RPUSD4: variants seen among roughly 807,000 people sequenced by gnomAD.
RPUSD4 encodes the protein RNA pseudouridine synthase D4.
In RPUSD4, 37 loss-of-function variants were observed where a neutral mutation model predicts 35.4. The ratio of observed to expected loss-of-function variants is 1.04; its 90% confidence interval spans 0.80 to 1.37. RPUSD4 has a LOEUF of 1.37. RPUSD4 is among the 40% of genes most tolerant of loss of function. The pLI, the probability that RPUSD4 is intolerant of heterozygous loss-of-function variation, is 0.00. For synonymous variants in RPUSD4, 210 were observed against 192.7 expected (o/e 1.09, Z -0.74); for missense variants, 507 against 484.9 (o/e 1.05, Z -0.43).
intron 5 of RPUSD4, among the ~76,000 whole-genome samples, chr11:126,204,784 GA>G (rs1949752611): frequency 6.6e-6 from 1 of 152,144 alleles, no homozygotes. Flanking sequence ...TCCATCTCTA[GA>G]ACTTTCTCAG....
rs1291570531 is a variant in RPUSD4 at position 126,211,568 on chromosome 11, A to C, written c.71T>G (p.Phe24Cys). The C allele has an allele frequency of 6.2e-7, 1 of 1,614,204 alleles. No individual in the cohort carries two copies. Among genetic ancestry groups the C allele is most frequent in the Non-Finnish European group, 8.5e-7 (1 of 1,180,036 alleles). ...ACAAAATGGCTTTGAGACGAGAGTG[A>C]AGAGACTCCCGCAACCTTGGCCGTT... ...RGNGQGCGSLFTLVSKPFCAA... is the reference protein window; with the variant it reads ...RGNGQGCGSLCTLVSKPFCAA... Residue 24 changes from phenylalanine to cysteine, a missense_variant, in exon 1 of 7, where the codon TTC (phenylalanine) becomes TGC (cysteine). Coordinates refer to ENST00000298317, the MANE Select transcript of RPUSD4 (RefSeq NM_032795.3).
Position 126,203,012 on chromosome 11 carries a change from A to C in RPUSD4, c.*406T>G. 1 of 193,000 alleles carries C rather than the reference A, an allele frequency of 5.2e-6. No homozygotes were observed. The highest frequency in any genetic ancestry group is 1.1e-5 in the Non-Finnish European group (1 of 91,648). The allele number at this position is 193,000 out of a possible 1,614,324, so 12.0% of individuals were successfully genotyped here. ...GTTAACCATTATGTTCTTTCCAACC[A>C]CGGGAACCTTCCTAAGAGCTCAAGA... On this transcript the variant is annotated 3_prime_UTR_variant, in exon 7 of 7. Transcript: ENST00000298317.
chr11:126,210,921 GACC>G lies in RPUSD4; in HGVS notation c.321_323del (p.Val108del). The G allele has an allele frequency of 6.2e-7, 1 of 1,614,134 alleles. No homozygotes were observed. On this transcript the variant is annotated inframe_deletion, in exon 2 of 7. Transcript: ENST00000298317. ...CAGGGAGACCGTAGGGCTTATTGAT[GACC>G]ACAAGGTTCTTGTCCTGGTGGAGAA... is the stretch of plus-strand genomic sequence containing the variant.
At chr11:126,204,655 A>G (rs559734305) in intron 5 of RPUSD4, among the ~76,000 whole-genome samples, 5 of 152,318 alleles carry the variant, frequency 3.3e-5, no homozygotes, top group Admixed American at 2.6e-4. Context: ...TGATTTGCAC[A>G]TTATTTGAAT....
rs768654079 is a variant in RPUSD4 at position 126,211,639 on chromosome 11, C to T, written c.-1G>A. 1.2e-4 allele frequency: 192 copies of T among 1,611,896 alleles called. No homozygotes were observed. Among genetic ancestry groups the T allele is most frequent in the Non-Finnish European group, 1.6e-4 (183 of 1,179,454 alleles). ...ACGCGCTCCACCTGGGCGCCGCCAT[C>T]TTACAAGGAAGGGCGGGGCGAGCCA... On this transcript the variant is annotated 5_prime_UTR_variant, in exon 1 of 7. Transcript: ENST00000298317.
rs112452247 is a variant in RPUSD4, at chr11:126,206,067, G to T, written c.558-286C>A. 4.5e-3 allele frequency: 1,246 copies of T among 277,746 alleles called. 11 individuals carry two copies. Among genetic ancestry groups the T allele is most frequent in the African/African-American group, 0.025 (1,164 of 45,772 alleles). The allele number at this position is 277,746 out of a possible 1,614,324, so 17.2% of individuals were successfully genotyped here. ...ATGGTCTTTCCAGTCTTTAAAAATG[G>T]ATATGTACAGTTAAAATAAAATTAT... On this transcript the variant is annotated intron_variant, in intron 3 of 6. Transcript: ENST00000298317.
rs146547666 is a variant in RPUSD4 at position 126,203,092 on chromosome 11, C to T, written c.*326G>A. On this transcript the variant is annotated 3_prime_UTR_variant, in exon 7 of 7. Coordinates refer to ENST00000298317, the MANE Select transcript of RPUSD4 (RefSeq NM_032795.3). ...ATCCCGGATTCTGACCTTTAGTTTT[C>T]CTTTTCCAGTCACTGCCCCAGTCTG... 1,200 of 240,130 alleles carry T rather than the reference C, an allele frequency of 5.0e-3. 6 individuals carry two copies. The highest frequency in any genetic ancestry group is 0.015 in the Middle Eastern group (10 of 680). The allele number at this position is 240,130 out of a possible 1,614,324, so 14.9% of individuals were successfully genotyped here.
At chr11:126,204,678 T>C (rs1268061388) in intron 5 of RPUSD4, among the ~76,000 whole-genome samples, 2 of 152,218 alleles carry the variant, frequency 1.3e-5, no homozygotes, top group Non-Finnish European at 2.9e-5. Context: ...TAGTAACATA[T>C]ACATAAAATT....
chr11:126,211,634 G>A lies in RPUSD4; in HGVS notation c.5C>T (p.Ala2Val), dbSNP rs1344028135. 1 of 1,611,790 alleles carries A rather than the reference G, an allele frequency of 6.2e-7. No homozygotes were observed. Residue 2 changes from alanine (A) to valine (V), a missense_variant, in exon 1 of 7, where the codon GCG becomes GTG. By Grantham distance (64) the Ala-to-Val change is moderately conservative. Coordinates refer to ENST00000298317, the MANE Select transcript of RPUSD4 (RefSeq NM_032795.3). ...GCCCGACGCGCTCCACCTGGGCGCC[G>A]CCATCTTACAAGGAAGGGCGGGGCG... is the stretch of plus-strand genomic sequence containing the variant. M[A>V]APRWSASGPW...
Position 126,209,593 on chromosome 11 carries a change from A to T in RPUSD4, c.485T>A (p.Leu162Ter). Residue 162 changes from leucine to a stop codon, truncating the protein, a stop_gained, in exon 3 of 7, where the codon TTG (leucine) becomes TAG (stop). Transcript: ENST00000298317. LOFTEE classifies it high-confidence loss of function. Reference sequence around the variant, plus strand: ...ATGTGCCATGTCCTTGTCCCAAGCCAACACCATTACACCTGTGGTTTCCTT... The same window carrying T: ...ATGTGCCATGTCCTTGTCCCAAGCCTACACCATTACACCTGTGGTTTCCTT... ...LDKETTGVMV[L>*]AWDKDMAHQV... is the part of the protein sequence containing the mutation. 1 of 1,614,238 alleles carries T rather than the reference A, an allele frequency of 6.2e-7. No individual in the cohort carries two copies. Among genetic ancestry groups the T allele is most frequent in the Non-Finnish European group, 8.5e-7 (1 of 1,180,046 alleles).
chr11:126,207,122 A>G (rs1307634130), intron 3 of RPUSD4, among the ~76,000 whole-genome samples: 1 of 152,226 alleles, frequency 6.6e-6, no homozygotes, highest in Non-Finnish European at 1.5e-5. Context: ...TGAACTAGGT[A>G]CTGTGTTAAA....
chr11:126,210,844 C>G (rs1470463543), intron 2 of RPUSD4, 46 bp downstream of exon 2: 1 of 1,565,698 alleles, frequency 6.4e-7, no homozygotes, highest in East Asian at 2.3e-5. Flanking sequence ...TCGGTTGTAG[C>G]AGAAAGCAGC....
intron 3 of RPUSD4, among the ~76,000 whole-genome samples, chr11:126,208,388 C>G (rs1324348597): frequency 6.6e-6 from 1 of 152,174 alleles, no homozygotes; most frequent in Non-Finnish European, 1.5e-5. Flanking sequence ...GGGTACAAAA[C>G]TCTGTGTGAA....
At chr11:126,211,243 C>T in intron 1 of RPUSD4, 188 bp from the exon 2 acceptor site, 4 of 900,454 alleles carry the variant, frequency 4.4e-6, no homozygotes, top group Non-Finnish European at 6.8e-6. Context: ...GTGGTTAGGA[C>T]TGAGCCTGAC....
Position 126,211,589 on chromosome 11 carries a change from C to A in RPUSD4, c.50G>T (p.Gly17Val). The change falls in exon 1 of 7, where the codon GGC becomes GTC. Residue 17 changes from glycine to valine, a missense_variant. Coordinates refer to ENST00000298317, the MANE Select transcript of RPUSD4 (RefSeq NM_032795.3). ...SASGPWIRGNGQGCGSLFTLV... is the reference protein window; with the variant it reads ...SASGPWIRGNVQGCGSLFTLV... ...AGTGAAGAGACTCCCGCAACCTTGG[C>A]CGTTTCCCCGGATCCAGGGGCCCGA... The A allele has an allele frequency of 6.2e-7, 1 of 1,614,144 alleles. No individual in the cohort carries two copies. The highest frequency in any genetic ancestry group is 2.2e-5 in the East Asian group (1 of 44,872).
chr11:126,209,256 G>C, intron 3 of RPUSD4: 1 of 379,942 alleles, frequency 2.6e-6, no homozygotes, highest in South Asian at 3.2e-5. Flanking sequence ...CTCTCAAAGT[G>C]CTGTGATTAC....
At chr11:126,205,822 G>A (rs748106126) in intron 3 of RPUSD4, 41 bp from the exon 4 acceptor site, 2 of 1,487,222 alleles carry the variant, frequency 1.3e-6, no homozygotes, top group East Asian at 2.4e-5. Context: ...AACCAAGCCA[G>A]AGAAGAACTC....
intron 2 of RPUSD4, 149 bp downstream of exon 2, chr11:126,210,741 G>A: frequency 2.9e-6 from 2 of 692,598 alleles, no homozygotes; most frequent in East Asian, 2.7e-5. Flanking sequence ...CTGTGTTCTC[G>A]GTGGTTCCTT....
At chr11:126,208,292 G>A (rs1377963409) in intron 3 of RPUSD4, among the ~76,000 whole-genome samples, 1 of 152,110 alleles carries the variant, frequency 6.6e-6, no homozygotes, top group East Asian at 1.9e-4. Flanking sequence ...CCATACAGCG[G>A]TATTTCACAG....
Sources: gnomAD v4.1 joint callset for allele counts (sites outside exome capture counted in the v4.1 genomes callset) on GRCh38, gnomAD v4.1.1 for gene constraint, MANE v1.5 for transcripts, NCBI Gene and HGNC (gene_info 2026-07-23, HGNC 2026-07-21) for gene names.